Variants in TDRD12 observed in about 807,000 individuals in gnomAD.
TDRD12 encodes the protein tudor domain containing 12, also known as putative ATP-dependent RNA helicase TDRD12.
Under a neutral mutation model 133.5 loss-of-function variants are expected in TDRD12, and 158 were observed. The ratio of observed to expected loss-of-function variants is 1.18; its 90% CI spans 1.04 to 1.35. The LOEUF (loss-of-function observed/expected upper bound fraction) is 1.35, where lower values mean the gene tolerates loss of function less well. TDRD12 is among the 40% of genes most tolerant of loss of function. The pLI is 0.00. For synonymous variants in TDRD12, 460 were observed against 477.9 expected (o/e 0.96, Z 0.49); for missense variants, 1,443 against 1,321.3 (o/e 1.09, Z -1.43).
intron 2 of TDRD12, among the ~76,000 whole-genome samples, chr19:32,736,029 G>C (rs944162279): frequency 6.6e-6 from 1 of 152,120 alleles, no homozygotes; most frequent in Non-Finnish European, 1.5e-5. Context: ...GGTCAGAGTG[G>C]CTTTCTTTTT....
At chr19:32,743,143 G>T (rs1969482802) in intron 4 of TDRD12, among the ~76,000 whole-genome samples, 1 of 152,240 alleles carries the variant, frequency 6.6e-6, no homozygotes. Context: ...TAACTGTAAA[G>T]AAAAATATTC....
At chr19:32,806,984 G>A (rs367774690) in intron 21 of TDRD12, among the ~76,000 whole-genome samples, 17 of 152,198 alleles carry the variant, frequency 1.1e-4, no homozygotes, top group Middle Eastern at 6.8e-3. Flanking sequence ...TTTTAAAACG[G>A]CAATTTCAAC....
chr19:32,813,182 A>G (rs1568493825), intron 24 of TDRD12, among the ~76,000 whole-genome samples: 1 of 152,146 alleles, frequency 6.6e-6, no homozygotes. Flanking sequence ...TCTCAAAGAA[A>G]AAAAGAAAGA....
At chr19:32,734,457 GC>G (rs1969163820) in intron 2 of TDRD12, among the ~76,000 whole-genome samples, 1 of 150,424 alleles carries the variant, frequency 6.6e-6, no homozygotes, top group South Asian at 2.1e-4. Flanking sequence ...TGCAACCTCC[GC>G]CTTTTGGTAT....
chr19:32,732,143 A>G (rs1969076938), intron 2 of TDRD12, among the ~76,000 whole-genome samples: 1 of 152,144 alleles, frequency 6.6e-6, no homozygotes, highest in Admixed American at 6.5e-5. Context: ...AGCTGGAATT[A>G]CAGGCATGGG....
At chr19:32,753,565 G>A (rs8106928) in intron 6 of TDRD12, among the ~76,000 whole-genome samples, 38,094 of 151,202 alleles carry the variant, frequency 0.25, 5,104 homozygotes, top group Middle Eastern at 0.33. Context: ...GTACACTGGC[G>A]CGATCTCTGC....
intron 8 of TDRD12, among the ~76,000 whole-genome samples, chr19:32,763,407 T>C (rs779465184): frequency 6.6e-6 from 1 of 152,162 alleles, no homozygotes; most frequent in African/African-American, 2.4e-5. Context: ...TCTCACCTTA[T>C]GTGGGACAGG....
intron 27 of TDRD12, among the ~76,000 whole-genome samples, chr19:32,818,924 G>C (rs978546606): frequency 6.6e-6 from 1 of 152,244 alleles, no homozygotes; most frequent in East Asian, 1.9e-4. Context: ...TGCTGGGTTA[G>C]TGGCCTGCTG....
intron 2 of TDRD12, among the ~76,000 whole-genome samples, chr19:32,738,553 C>A (rs183620556): frequency 1.3e-5 from 2 of 152,214 alleles, no homozygotes; most frequent in Non-Finnish European, 2.9e-5. Context: ...TGATGGCTCA[C>A]GCCTGTAATC....
chr19:32,784,877 CTTCT>C (rs1970862938), intron 11 of TDRD12, among the ~76,000 whole-genome samples: 2 of 152,024 alleles, frequency 1.3e-5, no homozygotes, highest in African/African-American at 4.8e-5. Context: ...TCTCTCTTTT[CTTCT>C]TTATTAGTCT....
exon 14 of TDRD12, chr19:32,794,806 G>A: frequency 1.4e-6 from 1 of 703,066 alleles, no homozygotes; most frequent in Non-Finnish European, 2.6e-6. Context: ...TTACCAAGTA[G>A]AAATGGAGTA....
intron 2 of TDRD12, among the ~76,000 whole-genome samples, chr19:32,733,486 GTA>G (rs1969124281): frequency 6.9e-6 from 1 of 145,280 alleles, no homozygotes. Context: ...AAAAAAAAAT[GTA>G]TATGTGTGTG....
chr19:32,815,014 A>T (rs1434033921), intron 25 of TDRD12, among the ~76,000 whole-genome samples: 1 of 152,230 alleles, frequency 6.6e-6, no homozygotes, highest in Non-Finnish European at 1.5e-5. Flanking sequence ...GAAAAGACGA[A>T]CAGAAGAAAT....
intron 3 of TDRD12, among the ~76,000 whole-genome samples, chr19:32,739,572 G>T (rs1969335935): frequency 6.9e-6 from 1 of 144,228 alleles, no homozygotes; most frequent in Non-Finnish European, 1.5e-5. Flanking sequence ...GCATCTCCTG[G>T]CTGCTGTCTG....
intron 10 of TDRD12, among the ~76,000 whole-genome samples, chr19:32,774,474 A>T (rs2040764388): frequency 2.0e-5 from 3 of 149,582 alleles, no homozygotes; most frequent in African/African-American, 2.5e-5. Flanking sequence ...TTTTTTTTTA[A>T]AAGTATTCAT....
Position 32,826,679 on chromosome 19 carries a change from AC to A in TDRD12, c.1049+82del, listed in dbSNP as rs1555779626. ...CGCTCACTGTCAGCTGTTCTCTTGA[AC>A]AGAACCCCAACGTGGCTTTTGATTT... is the stretch of plus-strand genomic sequence containing the variant. On this transcript the variant is annotated intron_variant, in intron 9 of 9. Coordinates refer to the TDRD12 transcript ENST00000637289. 1.7e-6 allele frequency: 1 copy of A among 603,820 alleles called. No homozygotes were observed. Among genetic ancestry groups the A allele is most frequent in the Non-Finnish European group, 2.1e-6 (1 of 471,578 alleles). The allele number at this position is 603,820 out of a possible 1,614,324, so 37.4% of individuals were successfully genotyped here.
intron 24 of TDRD12, among the ~76,000 whole-genome samples, chr19:32,813,463 C>A (rs1967074145): frequency 6.6e-6 from 1 of 152,200 alleles, no homozygotes; most frequent in Non-Finnish European, 1.5e-5. Flanking sequence ...GCTCTGGGAA[C>A]TCACTAGTAC....
chr19:32,721,537 C>T (rs1005707415), intron 1 of TDRD12, among the ~76,000 whole-genome samples: 9 of 151,856 alleles, frequency 5.9e-5, no homozygotes, highest in Non-Finnish European at 8.8e-5. Context: ...AGGTGCCTGC[C>T]ACCACACCTG....
intron 2 of TDRD12, among the ~76,000 whole-genome samples, chr19:32,736,029 G>T (rs944162279): frequency 6.6e-6 from 1 of 152,120 alleles, no homozygotes; most frequent in Non-Finnish European, 1.5e-5. Context: ...GGTCAGAGTG[G>T]CTTTCTTTTT....
Sources: allele counts gnomAD v4.1 joint callset (sites outside exome capture counted in the v4.1 genomes callset), GRCh38; gene constraint gnomAD v4.1.1; transcripts MANE v1.5; gene names NCBI Gene and HGNC (gene_info 2026-07-23, HGNC 2026-07-21).